SLCO2B1: variants seen among roughly 807,000 people sequenced by gnomAD.
SLCO2B1 encodes OATP-RP2.
A neutral mutation model predicts 67.3 loss-of-function variants in SLCO2B1; 41 were observed. That is an observed-to-expected ratio of 0.61 (90% CI 0.47 to 0.79). SLCO2B1 has a LOEUF of 0.79. Ranked by LOEUF, SLCO2B1 falls within the 30% of genes least tolerant of loss-of-function variation. The pLI is 0.00. For missense variants in SLCO2B1, 837 were observed against 920.1 expected, an observed-to-expected ratio of 0.91 and a Z score of 1.17; for synonymous variants, 379 against 381.4, an observed-to-expected ratio of 0.99 and a Z score of 0.07.
At chr11:75,203,050 G>A (rs568286739) in intron 12 of SLCO2B1, 85 bp downstream of exon 12, 108 of 1,296,246 alleles carry the variant, frequency 8.3e-5, no homozygotes, top group South Asian at 5.5e-4. Flanking sequence ...AGGCATGAGC[G>A]GAATTCAATC....
chr11:75,168,139 C>T (rs1949914898), intron 4 of SLCO2B1, among the ~76,000 whole-genome samples: 1 of 152,128 alleles, frequency 6.6e-6, no homozygotes, highest in East Asian at 1.9e-4. Context: ...GTGATCCACC[C>T]TGCTCGGCCT....
At chr11:75,175,064 C>T (rs1161950640) in intron 7 of SLCO2B1, among the ~76,000 whole-genome samples, 1 of 152,166 alleles carries the variant, frequency 6.6e-6, no homozygotes, top group Non-Finnish European at 1.5e-5. Flanking sequence ...TGCTTTGAAA[C>T]CCTGGCTCCC....
At chr11:75,177,146 C>G (rs754479982) in intron 7 of SLCO2B1, among the ~76,000 whole-genome samples, 1 of 151,878 alleles carries the variant, frequency 6.6e-6, no homozygotes, top group Non-Finnish European at 1.5e-5. Context: ...GGGGCATCAC[C>G]GAGCAGGGCT....
In SLCO2B1 at chr11:75,206,359, C is replaced by G. The variant is rs1297601961; in HGVS notation, c.*1779C>G. 6.6e-6 allele frequency: 1 copy of G among 152,240 alleles called. No homozygotes were observed. The highest frequency in any genetic ancestry group is 1.5e-5 in the Non-Finnish European group (1 of 68,042). The allele number at this position is 152,240 out of a possible 1,614,324, so 9.4% of individuals were successfully genotyped here. On this transcript the variant is annotated 3_prime_UTR_variant, in exon 14 of 14. Coordinates refer to ENST00000289575, the MANE Select transcript of SLCO2B1 (RefSeq NM_007256.5). The stretch of plus-strand genomic sequence containing the variant: ...GATTTAGGTTTTACTGGATTCATTG[C>G]TCACCATTATTGCTTGTATATTACA...
intron 8 of SLCO2B1, among the ~76,000 whole-genome samples, chr11:75,190,886 T>C (rs1945012747): frequency 6.6e-6 from 1 of 152,220 alleles, no homozygotes. Flanking sequence ...AGGGAAGCCC[T>C]GTCTCATGGC....
intron 1 of SLCO2B1, chr11:75,159,938 C>T: frequency 1.2e-6 from 1 of 863,284 alleles, no homozygotes; most frequent in Non-Finnish European, 1.4e-6. Context: ...AGGTGAGAGG[C>T]CAGGGGGCTG....
intron 7 of SLCO2B1, among the ~76,000 whole-genome samples, chr11:75,177,520 G>A (rs200307420): frequency 6.6e-6 from 1 of 152,220 alleles, no homozygotes; most frequent in Non-Finnish European, 1.5e-5. Context: ...TCGAGGGGCT[G>A]AAGAAAAGAC....
chr11:75,173,575 G>C (rs1024449511), intron 7 of SLCO2B1, among the ~76,000 whole-genome samples: 3 of 152,056 alleles, frequency 2.0e-5, no homozygotes, highest in Non-Finnish European at 4.4e-5. Flanking sequence ...TCTGCTCTTG[G>C]GGCAGGTGGG....
chr11:75,172,303 G>A, intron 6 of SLCO2B1, 76 bp from the exon 7 acceptor site: 1 of 1,374,634 alleles, frequency 7.3e-7, no homozygotes, highest in African/African-American at 1.4e-5. Flanking sequence ...TGTCTCAGAG[G>A]CCAGTCCCAG....
chr11:75,193,297 C>T lies in SLCO2B1; in HGVS notation c.1155C>T (p.Ser385=). Residue 385 remains serine, a synonymous_variant, in exon 9 of 14, where the codon TCC becomes TCT. Coordinates refer to ENST00000289575, the MANE Select transcript of SLCO2B1 (RefSeq NM_007256.5). This position sits in a 1 kb window ranked among gnomAD's most constrained non-coding sequence, Gnocchi z 4.2. ...TCCTGTCCCAGGTATGCTTGTCATC[C>T]ATGGCTGCGGGCATGGCCACCTTCC... ...LVVLSQVCLS[S]MAAGMATFLP... is the part of the protein sequence containing the mutation. 6.2e-7 allele frequency: 1 copy of T among 1,614,026 alleles called. No individual in the cohort carries two copies. Among genetic ancestry groups the T allele is most frequent in the South Asian group, 1.1e-5 (1 of 91,074 alleles).
chr11:75,174,853 G>A (rs902140814), intron 7 of SLCO2B1, among the ~76,000 whole-genome samples: 6 of 152,182 alleles, frequency 3.9e-5, no homozygotes, highest in African/African-American at 1.2e-4. Context: ...AGGGGTGGGA[G>A]ACCACGCTGG....
At chr11:75,156,403 G>GAT (rs1282962087) in intron 1 of SLCO2B1, among the ~76,000 whole-genome samples, 54 of 152,246 alleles carry the variant, frequency 3.5e-4, no homozygotes, top group Non-Finnish European at 5.7e-4. Context: ...GAGCTGGGCT[G>GAT]CAGGAGCTTG....
At chr11:75,176,525 TA>T (rs1950026086) in intron 7 of SLCO2B1, among the ~76,000 whole-genome samples, 1 of 152,262 alleles carries the variant, frequency 6.6e-6, no homozygotes, top group Non-Finnish European at 1.5e-5. Context: ...TACATTATGC[TA>T]AAAGTCTGTG....
chr11:75,201,012 AAT>A (rs1478632986), intron 11 of SLCO2B1: 2 of 144,602 alleles, frequency 1.4e-5, no homozygotes, highest in East Asian at 4.1e-4. Flanking sequence ...GTGAGAAAAA[AAT>A]AGTTTTTCCT....
chr11:75,164,010 C>T lies in SLCO2B1; in HGVS notation c.195C>T (p.Ile65=), dbSNP rs983356963. 7 of 1,605,598 alleles carry T rather than the reference C, an allele frequency of 4.4e-6. No individual in the cohort carries two copies. The highest frequency in any genetic ancestry group is 1.3e-5 in the African/African-American group (1 of 74,638). Residue 65 remains isoleucine, a synonymous_variant, in exon 3 of 14, where the codon ATC becomes ATT. Transcript: ENST00000289575. ...TGCTGCAGCTGGCGCAGCTCATGAT[C>T]TCCGGCTACCTAAAGAGCTCCATCT... ...HSLLQLAQLM[I]SGYLKSSIST... is the part of the protein sequence containing the mutation.
chr11:75,189,590 T>C (rs963060158), intron 8 of SLCO2B1, among the ~76,000 whole-genome samples: 8 of 152,170 alleles, frequency 5.3e-5, no homozygotes, highest in Admixed American at 1.3e-4. Context: ...TGCCTCATAG[T>C]CCTTACTGAG....
intron 8 of SLCO2B1, 36 bp downstream of exon 8, chr11:75,188,274 G>A (rs748856278): frequency 1.4e-6 from 2 of 1,383,442 alleles, no homozygotes; most frequent in East Asian, 2.3e-5. Flanking sequence ...GGGAGCCAGG[G>A]CCAGAGGGGT....
chr11:75,203,623 C>A, intron 13 of SLCO2B1, 196 bp downstream of exon 13: 1 of 651,168 alleles, frequency 1.5e-6, no homozygotes, highest in Non-Finnish European at 2.6e-6. Flanking sequence ...AGGAAAGTGA[C>A]AGTTAAAGCA....
At chr11:75,165,117 T>C (rs111736255) in intron 3 of SLCO2B1, among the ~76,000 whole-genome samples, 111 of 152,250 alleles carry the variant, frequency 7.3e-4, no homozygotes, top group Middle Eastern at 3.4e-3. Flanking sequence ...CATCCTAGGA[T>C]TGTGATCCTA....
Sources: gnomAD v4.1 joint callset for allele counts (sites outside exome capture counted in the v4.1 genomes callset) on GRCh38, gnomAD v4.1.1 for gene constraint, Gnocchi (gnomAD v3.1) non-coding constraint, MANE v1.5 for transcripts, NCBI Gene and HGNC (gene_info 2026-07-23, HGNC 2026-07-21) for gene names.